The following MLLT3 variants were observed in gnomAD, a reference collection of about 807,000 sequenced individuals.
MLLT3 encodes the protein MLLT3 super elongation complex subunit.
MLLT3 carries 4 observed loss-of-function variants against 53.2 expected under a neutral mutation model. The ratio of observed to expected loss-of-function variants is 0.08; its 90% CI spans 0.04 to 0.17. The LOEUF (loss-of-function observed/expected upper bound fraction) is 0.17. Among genes scored for constraint, MLLT3 ranks in the 10% least tolerant of loss-of-function variants. The pLI, the probability that MLLT3 is intolerant of heterozygous loss-of-function variation, is 1.00. For missense variants in MLLT3, 569 were observed against 684.0 expected, an observed-to-expected ratio of 0.83 and a Z score of 1.87; for synonymous variants, 283 against 230.6, an observed-to-expected ratio of 1.23 and a Z score of -2.06.
chr9:20,370,429 C>T (rs879153929), intron 5 of MLLT3, among the ~76,000 whole-genome samples: 21 of 152,030 alleles, frequency 1.4e-4, no homozygotes, highest in Non-Finnish European at 2.6e-4. Context: ...TCTCCCTATT[C>T]CCTGAGATAC....
chr9:20,578,049 A>G (rs913235130), intron 2 of MLLT3, among the ~76,000 whole-genome samples: 13 of 152,308 alleles, frequency 8.5e-5, no homozygotes, highest in Admixed American at 6.5e-4. Context: ...ACATACTACT[A>G]AACAGAAAAG....
chr9:20,384,345 T>TTA (rs1821977199), intron 5 of MLLT3, among the ~76,000 whole-genome samples: 2 of 152,072 alleles, frequency 1.3e-5, no homozygotes, highest in South Asian at 4.1e-4. Context: ...AGTCACTTTA[T>TTA]TATATAGCGT....
intron 10 of MLLT3, among the ~76,000 whole-genome samples, chr9:20,348,122 A>AT (rs1282866262): frequency 6.6e-6 from 1 of 152,176 alleles, no homozygotes; most frequent in African/African-American, 2.4e-5. Flanking sequence ...CTCTGGAACT[A>AT]TTTTTTAGGG....
intron 2 of MLLT3, among the ~76,000 whole-genome samples, chr9:20,615,302 G>A (rs1176594909): frequency 7.5e-6 from 1 of 132,750 alleles, no homozygotes; most frequent in African/African-American, 2.7e-5. Flanking sequence ...GATGGAGGTT[G>A]CAATGAGCTG....
chr9:20,470,926 C>T (rs75674564), intron 2 of MLLT3, among the ~76,000 whole-genome samples: 1 of 152,074 alleles, frequency 6.6e-6, no homozygotes, highest in Admixed American at 6.5e-5. Flanking sequence ...AGCAGTGAGA[C>T]ATTTAAAGAC....
At chr9:20,599,702 G>T (rs889016953) in intron 2 of MLLT3, among the ~76,000 whole-genome samples, 4 of 152,084 alleles carry the variant, frequency 2.6e-5, no homozygotes. Context: ...CTCTAAAAAA[G>T]GGTGACTATA....
intron 5 of MLLT3, among the ~76,000 whole-genome samples, chr9:20,369,877 T>G (rs987091305): frequency 4.6e-5 from 7 of 152,150 alleles, no homozygotes; most frequent in African/African-American, 1.7e-4. Context: ...AAGAAACATT[T>G]TAAATATGTG....
intron 5 of MLLT3, 121 bp downstream of exon 5, chr9:20,413,600 A>G (rs1822785490): frequency 5.1e-6 from 4 of 783,012 alleles, no homozygotes; most frequent in Non-Finnish European, 7.9e-6. Flanking sequence ...GGCCAGATCT[A>G]CCTCTGTGCT....
intron 4 of MLLT3, among the ~76,000 whole-genome samples, chr9:20,429,030 G>A (rs979021611): frequency 3.9e-5 from 6 of 152,094 alleles, no homozygotes; most frequent in Admixed American, 3.9e-4. Context: ...GCAAGTTCTA[G>A]GAAAAGATAA....
intron 2 of MLLT3, among the ~76,000 whole-genome samples, chr9:20,560,291 G>GTC (rs1187896908): frequency 6.6e-6 from 1 of 152,272 alleles, no homozygotes; most frequent in Admixed American, 6.5e-5. Context: ...AAGGTATGTA[G>GTC]TCATTTTTAA....
chr9:20,530,646 C>A (rs1011113375), intron 2 of MLLT3, among the ~76,000 whole-genome samples: 16 of 152,182 alleles, frequency 1.1e-4, no homozygotes, highest in African/African-American at 3.9e-4. Flanking sequence ...GTTCAGTAAA[C>A]CATGATTCCA....
chr9:20,487,088 C>G (rs28751941), intron 2 of MLLT3, among the ~76,000 whole-genome samples: 3,490 of 152,180 alleles, frequency 0.023, 117 homozygotes, highest in African/African-American at 0.077. Flanking sequence ...ATGTATTCAT[C>G]TATGTTTATC....
In MLLT3 at chr9:20,360,877, A is replaced by G. The variant is rs375450332; in HGVS notation, c.1332-36T>C. On this transcript the variant is annotated intron_variant, in intron 7 of 10. Coordinates refer to ENST00000380338, the MANE Select transcript of MLLT3 (RefSeq NM_004529.4). ...ACAGACAAGTTATGCACATCATTAC[A>G]AACAGATGATTCTTGAAATACCCAT... 1.9e-6 allele frequency: 3 copies of G among 1,542,580 alleles called. No homozygotes were observed. In the African/African-American group the frequency reaches 4.1e-5, roughly 21 times the overall value.
At chr9:20,422,853 G>A (rs1823047214) in intron 4 of MLLT3, among the ~76,000 whole-genome samples, 1 of 152,132 alleles carries the variant, frequency 6.6e-6, no homozygotes, top group Non-Finnish European at 1.5e-5. Context: ...TGACAATGAT[G>A]GTGACAGTGG....
intron 10 of MLLT3, among the ~76,000 whole-genome samples, chr9:20,353,279 C>A (rs1030428153): frequency 1.3e-5 from 2 of 152,156 alleles, no homozygotes; most frequent in Non-Finnish European, 2.9e-5. Context: ...TCCAGTATCA[C>A]TTCCCAAATT....
chr9:20,524,196 T>A (rs759341874), intron 2 of MLLT3, among the ~76,000 whole-genome samples: 1 of 152,038 alleles, frequency 6.6e-6, no homozygotes. Context: ...ATGTTGATAA[T>A]GGACGAAGCT....
chr9:20,457,342 T>C (rs1403761383), intron 2 of MLLT3, among the ~76,000 whole-genome samples: 1 of 144,962 alleles, frequency 6.9e-6, no homozygotes, highest in Non-Finnish European at 1.5e-5. Flanking sequence ...TCCGCCTCCC[T>C]GGTTCAAGCA....
chr9:20,365,891 T>C lies in MLLT3; in HGVS notation c.1126-147A>G, dbSNP rs1474045965. On this transcript the variant is annotated intron_variant, in intron 5 of 10. Transcript: ENST00000380338. The stretch of plus-strand genomic sequence containing the variant: ...AAATTACTAACACAGGAGAGTCATG[T>C]TGTCTTTTGTTGTGCCCACTGTATT... 1.2e-5 allele frequency: 9 copies of C among 720,848 alleles called. No individual in the cohort carries two copies. In the African/African-American group the frequency reaches 1.2e-4, roughly 10 times the overall value. 44.7% of individuals were successfully genotyped at this position (720,848 alleles called of 1,614,324 possible). A position where few individuals can be genotyped will look rare whatever the true frequency, so the allele number is the denominator to read the frequency against.
At chr9:20,583,361 T>G (rs1175416542) in intron 2 of MLLT3, among the ~76,000 whole-genome samples, 1 of 152,128 alleles carries the variant, frequency 6.6e-6, no homozygotes, top group Non-Finnish European at 1.5e-5. Context: ...AGGAGCACTG[T>G]GCAAGCAGTC....
Sources: gnomAD v4.1 joint callset for allele counts (sites outside exome capture counted in the v4.1 genomes callset) on GRCh38, gnomAD v4.1.1 for gene constraint, MANE v1.5 for transcripts, NCBI Gene and HGNC (gene_info 2026-07-23, HGNC 2026-07-21) for gene names.